The following ZFHX3 variants were observed in gnomAD, a reference collection of about 807,000 sequenced individuals.
The protein encoded by ZFHX3 is zinc finger homeobox protein 3.
A neutral mutation model predicts 279.1 loss-of-function variants in ZFHX3; 42 were observed. That is an observed-to-expected ratio of 0.15 (90% CI 0.12 to 0.19). The LOEUF (loss-of-function observed/expected upper bound fraction) is 0.19, where lower values mean the gene tolerates loss of function less well. ZFHX3 is among the 10% of genes least tolerant of loss of function. The pLI is 1.00. For missense variants in ZFHX3, 4,981 were observed against 4,754.0 expected (o/e 1.05, Z -1.40); for synonymous variants, 2,293 against 1,957.8 (o/e 1.17, Z -4.52).
At chr16:73,865,608 G>A (rs1394695830) in intron 1 of ZFHX3, among the ~76,000 whole-genome samples, 1 of 152,102 alleles carries the variant, frequency 6.6e-6, no homozygotes, top group Non-Finnish European at 1.5e-5. Context: ...CTGGGCCATT[G>A]GCACCATGTT....
At chr16:72,906,534 A>T (rs550367493) in intron 3 of ZFHX3, among the ~76,000 whole-genome samples, 3 of 152,128 alleles carry the variant, frequency 2.0e-5, no homozygotes, top group Non-Finnish European at 4.4e-5. Flanking sequence ...GGTGGCTCAC[A>T]CCTATAAATC....
chr16:73,160,513 CT>C (rs546094382), intron 5 of ZFHX3, among the ~76,000 whole-genome samples: 7 of 151,328 alleles, frequency 4.6e-5, no homozygotes, highest in South Asian at 4.2e-4. Context: ...TTTCTGTCCC[CT>C]TTTTTTTTCC....
chr16:73,643,427 T>A (rs1311165907), intron 2 of ZFHX3, among the ~76,000 whole-genome samples: 1 of 152,190 alleles, frequency 6.6e-6, no homozygotes, highest in Non-Finnish European at 1.5e-5. Flanking sequence ...ACCAATTTAA[T>A]AAATGAACCA....
intron 4 of ZFHX3, among the ~76,000 whole-genome samples, chr16:72,877,561 C>T (rs1164856414): frequency 1.3e-5 from 2 of 152,154 alleles, no homozygotes; most frequent in East Asian, 1.9e-4. Flanking sequence ...TCTCATTCTT[C>T]GTGTCTGGTG....
In ZFHX3 at chr16:73,806,260, T is replaced by C. The variant is rs569314168; in HGVS notation, c.-1608+85391A>G. On this transcript the variant is annotated intron_variant, in intron 1 of 17. Coordinates refer to the ZFHX3 transcript ENST00000641206. The stretch of plus-strand genomic sequence containing the variant: ...TGGGTGGGGACACAGAGCCAAACCA[T>C]ACCAGAGCACATCTGGAGTAGAAAA... Among the ~76,000 whole-genome samples, 117 of 152,166 alleles carry C rather than the reference T, an allele frequency of 7.7e-4. 1 individual carries two copies. In the South Asian group the frequency reaches 0.023, roughly 30 times the overall value.
At chr16:73,372,685 T>C (rs956349706) in intron 3 of ZFHX3, among the ~76,000 whole-genome samples, 2 of 152,228 alleles carry the variant, frequency 1.3e-5, no homozygotes, top group Non-Finnish European at 1.5e-5. Flanking sequence ...ATGGCCAAGA[T>C]GGCCCATGAT....
At chr16:73,268,243 A>G (rs748393613) in intron 4 of ZFHX3, among the ~76,000 whole-genome samples, 17 of 152,300 alleles carry the variant, frequency 1.1e-4, no homozygotes, top group African/African-American at 3.4e-4. Context: ...CTTGAGCACA[A>G]TTATTCCCAT....
In ZFHX3 at chr16:73,580,537, T is replaced by G. The variant is rs182941489; in HGVS notation, c.-1547+99643A>C. The stretch of plus-strand genomic sequence containing the variant: ...AAAAAAAAAACAGAGAAATTTCCTT[T>G]GCTAACTGGGACTATCTAGTTACTT... On this transcript the variant is annotated intron_variant, in intron 2 of 17. Coordinates refer to the ZFHX3 transcript ENST00000641206. 3.9e-3 allele frequency among the ~76,000 whole-genome samples: 591 copies of G among 151,388 alleles called. 8 individuals carry two copies. Among genetic ancestry groups the G allele is most frequent in the Admixed American group, 5.7e-3 (87 of 15,224 alleles).
At chr16:73,861,092 T>C (rs1002094596) in intron 1 of ZFHX3, among the ~76,000 whole-genome samples, 1 of 151,620 alleles carries the variant, frequency 6.6e-6, no homozygotes, top group African/African-American at 2.4e-5. Context: ...GCCTCCTGAG[T>C]AGCTGAGACT....
At chr16:73,017,085 G>A (rs1964126752) in intron 1 of ZFHX3, among the ~76,000 whole-genome samples, 9 of 152,018 alleles carry the variant, frequency 5.9e-5, no homozygotes, top group Admixed American at 5.2e-4. Flanking sequence ...AAATCAGCCA[G>A]GCGTGGGGGC....
intron 1 of ZFHX3, among the ~76,000 whole-genome samples, chr16:73,790,553 T>C (rs1016522278): frequency 3.3e-5 from 5 of 152,232 alleles, no homozygotes; most frequent in African/African-American, 9.6e-5. Flanking sequence ...GGGTATAATC[T>C]GCAAAGTAAC....
intron 1 of ZFHX3, among the ~76,000 whole-genome samples, chr16:73,689,784 C>G (rs2053128028): frequency 1.3e-5 from 2 of 152,106 alleles, no homozygotes; most frequent in African/African-American, 4.8e-5. Flanking sequence ...CAAAGCTTAC[C>G]CAGCTCTGAG....
intron 5 of ZFHX3, among the ~76,000 whole-genome samples, chr16:73,236,258 T>G (rs1339492872): frequency 6.6e-6 from 1 of 152,212 alleles, no homozygotes; most frequent in Non-Finnish European, 1.5e-5. Flanking sequence ...TGCCCTGTGG[T>G]CAACATCATT....
At chr16:72,812,827 G>A (rs927012778) in intron 5 of ZFHX3, among the ~76,000 whole-genome samples, 11 of 152,328 alleles carry the variant, frequency 7.2e-5, no homozygotes, top group African/African-American at 2.4e-4. Flanking sequence ...CATGAGGATT[G>A]AGCAGCAGAC....
In ZFHX3 at chr16:72,787,862, C is replaced by T. The variant is rs756301652; in HGVS notation, c.10414G>A (p.Ala3472Thr). Reference sequence around the variant, plus strand: ...GCTGCCTCCTCGTCGCTGAAGCCCGCCTGGCACTTGCGGCAGACCAACTTG... The same window carrying T: ...GCTGCCTCCTCGTCGCTGAAGCCCGTCTGGCACTTGCGGCAGACCAACTTG... ...QYKLVCRKCQ[A>T]GFSDEEAARS... The change falls in exon 10 of 10, where the codon GCG becomes ACG. Residue 3472 changes from alanine (A) to threonine (T), a missense_variant. Coordinates refer to ENST00000268489, the MANE Select transcript of ZFHX3 (RefSeq NM_006885.4). 2.5e-6 allele frequency: 4 copies of T among 1,613,932 alleles called. No individual in the cohort carries two copies. The South Asian group carries it at 4.4e-5, about 18-fold the overall frequency.
chr16:73,162,629 T>G (rs568551865), intron 5 of ZFHX3, among the ~76,000 whole-genome samples: 1 of 152,272 alleles, frequency 6.6e-6, no homozygotes, highest in African/African-American at 2.4e-5. Context: ...ACCCGGCTAA[T>G]TTTTGTATTG....
chr16:73,380,727 G>GA, intron 3 of ZFHX3, among the ~76,000 whole-genome samples: 1 of 152,214 alleles, frequency 6.6e-6, no homozygotes, highest in Admixed American at 6.5e-5. Context: ...TGAGTGGCCA[G>GA]GTGCAGGGAC....
chr16:73,842,997 A>G (rs1197948844), intron 1 of ZFHX3, among the ~76,000 whole-genome samples: 1 of 152,248 alleles, frequency 6.6e-6, no homozygotes, highest in East Asian at 1.9e-4. Context: ...ACAAGTTTTC[A>G]GTAACACATT....
intron 8 of ZFHX3, among the ~76,000 whole-genome samples, chr16:73,073,136 A>C (rs1300621608): frequency 1.3e-5 from 2 of 152,118 alleles, no homozygotes; most frequent in African/African-American, 4.8e-5. Context: ...AGCTCTGGCA[A>C]TCTGCTTGCC....
Sources: gnomAD v4.1 joint callset for allele counts (sites outside exome capture counted in the v4.1 genomes callset) on GRCh38, gnomAD v4.1.1 for gene constraint, MANE v1.5 for transcripts, NCBI Gene and HGNC (gene_info 2026-07-23, HGNC 2026-07-21) for gene names.